The following HSPA9 variants were observed in gnomAD, a reference collection of about 807,000 sequenced individuals.
HSPA9 encodes stress-70 protein, mitochondrial.
Under a neutral mutation model 81.5 loss-of-function variants are expected in HSPA9, and 28 were observed. The observed-to-expected ratio is 0.34, with a 90% CI of 0.25 to 0.47. The LOEUF (loss-of-function observed/expected upper bound fraction) is 0.47. HSPA9 is among the 20% of genes least tolerant of loss of function. The pLI, the probability that HSPA9 is intolerant of heterozygous loss-of-function variation, is 1.00. For missense variants in HSPA9, 678 were observed against 838.0 expected (o/e 0.81, Z 2.36); for synonymous variants, 293 against 290.4 (o/e 1.01, Z -0.09).
intron 13 of HSPA9, 72 bp downstream of exon 13, chr5:138,557,797 T>G: frequency 1.1e-6 from 1 of 904,494 alleles, no homozygotes; most frequent in South Asian, 1.3e-5. Flanking sequence ...AGAGGACTCA[T>G]CATTCTAAGA....
At chr5:138,560,823 C>A in intron 10 of HSPA9, 2 of 417,072 alleles carry the variant, frequency 4.8e-6, no homozygotes, top group South Asian at 3.5e-5. Context: ...GCTGGGATTA[C>A]AGGCGTAAGC....
rs1386679566 is a variant in HSPA9 at position 138,554,312 on chromosome 5, T to C, written c.*1725A>G. ...CCAGTAGTTCTCAACTGGAGTACTT[T>C]GGAAATCCTGGAGGGCTTTTAAAGT... On this transcript the variant is annotated 3_prime_UTR_variant, in exon 17 of 17. Coordinates refer to ENST00000297185, the MANE Select transcript of HSPA9 (RefSeq NM_004134.7). Among the ~76,000 whole-genome samples, 2 of 152,210 alleles carry C rather than the reference T, an allele frequency of 1.3e-5. No individual in the cohort carries two copies. The highest frequency in any genetic ancestry group is 6.5e-5 in the Admixed American group (1 of 15,280).
intron 4 of HSPA9, among the ~76,000 whole-genome samples, chr5:138,570,393 T>C (rs1750854350): frequency 6.6e-6 from 1 of 152,196 alleles, no homozygotes; most frequent in African/African-American, 2.4e-5. Flanking sequence ...ATTTCTGCCT[T>C]ATGTATTCAA....
chr5:138,563,546 C>G (rs985805984), intron 9 of HSPA9, among the ~76,000 whole-genome samples: 1 of 152,188 alleles, frequency 6.6e-6, no homozygotes, highest in African/African-American at 2.4e-5. Context: ...TACACCCACT[C>G]AGGGTGCCTT....
chr5:138,570,936 C>CA (rs1163677514), intron 4 of HSPA9, 24 bp downstream of exon 4: 1 of 1,613,096 alleles, frequency 6.2e-7, no homozygotes, highest in Non-Finnish European at 8.5e-7. Flanking sequence ...CTGCTTTTTG[C>CA]AAAAAACTTT....
chr5:138,560,544 C>T (rs1449708798), intron 10 of HSPA9, among the ~76,000 whole-genome samples: 1 of 150,422 alleles, frequency 6.6e-6, no homozygotes, highest in East Asian at 2.0e-4. Context: ...TGAATAGTAT[C>T]GGGGATACTT....
chr5:138,571,705 G>A (rs1219140411), intron 3 of HSPA9, among the ~76,000 whole-genome samples: 1 of 150,364 alleles, frequency 6.7e-6, no homozygotes, highest in Non-Finnish European at 1.5e-5. Flanking sequence ...GGAGTGCAGT[G>A]GCGCGATCTC....
chr5:138,558,568 A>G lies in HSPA9; in HGVS notation c.1500T>C (p.Leu500=). ...AATAACCTACCAAAGTAAACTGTCC[A>G]AGGAGTTTGTTGTCTCCAGCCATCT... ...EREMAGDNKL[L]GQFTLIGIPP... The change falls in exon 12 of 17, where the codon CTT becomes CTC. Residue 500 remains leucine, a synonymous_variant. Coordinates refer to ENST00000297185, the MANE Select transcript of HSPA9 (RefSeq NM_004134.7). 1 of 1,606,218 alleles carries G rather than the reference A, an allele frequency of 6.2e-7. No individual in the cohort carries two copies. Among genetic ancestry groups the G allele is most frequent in the South Asian group, 1.1e-5 (1 of 90,922 alleles).
chr5:138,556,686 C>T, intron 15 of HSPA9, 88 bp downstream of exon 15: 19 of 1,553,866 alleles, frequency 1.2e-5, no homozygotes, highest in Non-Finnish European at 1.6e-5. Context: ...AATAATTAAA[C>T]CCCTATCAAA....
At chr5:138,566,132 G>A (rs1362164422) in intron 9 of HSPA9, among the ~76,000 whole-genome samples, 1 of 141,758 alleles carries the variant, frequency 7.1e-6, no homozygotes, top group African/African-American at 2.6e-5. Flanking sequence ...AGGTTGCGGT[G>A]AGCCAAGATC....
chr5:138,560,865 T>C (rs1750642585), intron 10 of HSPA9: 3 of 432,198 alleles, frequency 6.9e-6, no homozygotes, highest in South Asian at 3.4e-5. Flanking sequence ...TTTCTTAATA[T>C]ATGAGGCATC....
intron 3 of HSPA9, among the ~76,000 whole-genome samples, chr5:138,572,040 T>C (rs748689923): frequency 3.1e-4 from 45 of 146,998 alleles, no homozygotes; most frequent in Middle Eastern, 3.5e-3. Context: ...CACTGCAGCA[T>C]TGACCTGCCA....
chr5:138,556,691 A>T lies in HSPA9; in HGVS notation c.1821+83T>A. 2.6e-6 allele frequency: 4 copies of T among 1,553,132 alleles called. No individual in the cohort carries two copies. In the Middle Eastern group the frequency reaches 6.7e-4, roughly 262 times the overall value. The stretch of plus-strand genomic sequence containing the variant: ...AACATTTTAAAATAATTAAACCCCT[A>T]TCAAAACCCACAGAAAAATAAACTT... On this transcript the variant is annotated intron_variant, in intron 15 of 16. Coordinates refer to ENST00000297185, the MANE Select transcript of HSPA9 (RefSeq NM_004134.7).
Position 138,568,913 on chromosome 5 carries a change from A to T in HSPA9, c.535+12T>A. The T allele has an allele frequency of 6.2e-7, 1 of 1,613,446 alleles. No homozygotes were observed. The highest frequency in any genetic ancestry group is 1.1e-5 in the South Asian group (1 of 91,026). ...CTTAGAACTTTCCCAGATGTGAACT[A>T]AACCCACTCACCTGCAGTCTCTTTC... On this transcript the variant is annotated intron_variant, in intron 5 of 16. Transcript: ENST00000297185.
chr5:138,573,599 A>C (rs540751850), intron 3 of HSPA9, among the ~76,000 whole-genome samples, 164 bp downstream of exon 3: 131 of 127,082 alleles, frequency 1.0e-3, no homozygotes, highest in Non-Finnish European at 1.6e-3. Context: ...GTGAGCGGAG[A>C]CCGTGCCACT....
intron 5 of HSPA9, 65 bp downstream of exon 5, chr5:138,568,860 A>T (rs1750821504): frequency 6.5e-7 from 1 of 1,548,316 alleles, no homozygotes; most frequent in Non-Finnish European, 8.9e-7. Context: ...GAGCACAGGG[A>T]GCTAGTGATC....
At chr5:138,566,810 C>A in intron 8 of HSPA9, 92 bp from the exon 9 acceptor site, 3 of 1,135,526 alleles carry the variant, frequency 2.6e-6, no homozygotes, top group South Asian at 2.5e-5. Flanking sequence ...AAAATGGAGT[C>A]ATACCTTTAT....
Position 138,556,604 on chromosome 5 carries a change from A to G in HSPA9, c.1822-12T>C, listed in dbSNP as rs368659266. On this transcript the variant is annotated splice_polypyrimidine_tract_variant and intron_variant, in intron 15 of 16. Transcript: ENST00000297185. ...TTCAGCTTGTTGCACTTAAAAAAAG[A>G]AAACAAAAATCCTTACTTTTCCAGG... 3.4e-5 allele frequency: 55 copies of G among 1,613,510 alleles called. No individual in the cohort carries two copies. The highest frequency in any genetic ancestry group is 4.4e-5 in the Non-Finnish European group (52 of 1,179,894).
At chr5:138,568,875 A>G in intron 5 of HSPA9, 50 bp downstream of exon 5, 1 of 1,599,334 alleles carries the variant, frequency 6.3e-7, no homozygotes, top group Non-Finnish European at 8.6e-7. Flanking sequence ...GTGATCTCAC[A>G]GGAATCATTG....
Sources: gnomAD v4.1 joint callset for allele counts (sites outside exome capture counted in the v4.1 genomes callset) on GRCh38, gnomAD v4.1.1 for gene constraint, MANE v1.5 for transcripts, NCBI Gene and HGNC (gene_info 2026-07-23, HGNC 2026-07-21) for gene names.